Variants in TRIM71 observed in about 807,000 individuals in gnomAD.
TRIM71 encodes the protein E3 ubiquitin-protein ligase TRIM71.
Under a neutral mutation model 61.2 loss-of-function variants are expected in TRIM71, and 9 were observed. The ratio of observed to expected loss-of-function variants is 0.15; its 90% CI spans 0.09 to 0.26. The LOEUF is 0.26. Among genes scored for constraint, TRIM71 ranks in the 10% least tolerant of loss-of-function variants. The pLI, the probability that TRIM71 is intolerant of heterozygous loss-of-function variation, is 1.00. For synonymous variants in TRIM71, 645 were observed against 553.2 expected (o/e 1.17, Z -2.33); for missense variants, 998 against 1,238.7 (o/e 0.81, Z 2.92).
rs1293635433 is a variant in TRIM71, at chr3:32,887,077, C to T, written c.1155+1009C>T. ...TCCCCATGGGTCTGCCAGTGTTATG[C>T]CACCCACGAATGTTAATTATAACTG... On this transcript the variant is annotated intron_variant, in intron 3 of 3. Transcript: ENST00000383763. Among the ~76,000 whole-genome samples the T allele has an allele frequency of 1.3e-5, 2 of 152,144 alleles. 1 individual carries two copies. Among genetic ancestry groups the T allele is most frequent in the Non-Finnish European group, 2.9e-5 (2 of 68,034 alleles).
intron 1 of TRIM71, among the ~76,000 whole-genome samples, chr3:32,859,087 G>A (rs1398912629): frequency 6.6e-6 from 1 of 152,058 alleles, no homozygotes; most frequent in Non-Finnish European, 1.5e-5. Context: ...GTGGGTGCCT[G>A]TTTCCTGTTT....
chr3:32,860,111 CCCTCT>C (rs1178826340), intron 1 of TRIM71, among the ~76,000 whole-genome samples: 1 of 145,056 alleles, frequency 6.9e-6, no homozygotes, highest in African/African-American at 2.6e-5. Flanking sequence ...CTCTCCCCTT[CCCTCT>C]CCTCTCCTCC....
At chr3:32,864,845 GGTGT>G (rs10522411) in intron 1 of TRIM71, among the ~76,000 whole-genome samples, 4,402 of 146,336 alleles carry the variant, frequency 0.03, 96 homozygotes, top group East Asian at 0.1. Context: ...AAAATTAAGT[GGTGT>G]GTGTGTGTGT....
In TRIM71 at chr3:32,897,603, T is replaced by TGAA. The variant is rs1697093848; in HGVS notation, c.*5796_*5798dup. On this transcript the variant is annotated 3_prime_UTR_variant, in exon 4 of 4. Transcript: ENST00000383763. ...GCAGGCATGACAGGCAATGAGCAGG[T>TGAA]GAAGAACCAATGGAAAAGTGTTCAA... is the stretch of plus-strand genomic sequence containing the variant. 1 of 152,168 alleles carries TGAA rather than the reference T, an allele frequency of 6.6e-6. No individual in the cohort carries two copies. Among genetic ancestry groups the TGAA allele is most frequent in the Non-Finnish European group, 1.5e-5 (1 of 68,032 alleles). The allele number at this position is 152,168 out of a possible 1,614,324, so 9.4% of individuals were successfully genotyped here.
At chr3:32,839,326 G>C (rs766034383) in intron 1 of TRIM71, among the ~76,000 whole-genome samples, 1 of 151,910 alleles carries the variant, frequency 6.6e-6, no homozygotes, top group African/African-American at 2.4e-5. Context: ...TGCCTCCCGG[G>C]TTCAAGTGAT....
At chr3:32,856,359 C>A (rs1196545837) in intron 1 of TRIM71, among the ~76,000 whole-genome samples, 3 of 151,786 alleles carry the variant, frequency 2.0e-5, no homozygotes, top group South Asian at 2.1e-4. Context: ...CGCTCCCCTG[C>A]CCCCCCATCC....
At chr3:32,856,954 GA>G (rs1416117263) in intron 1 of TRIM71, among the ~76,000 whole-genome samples, 3 of 152,130 alleles carry the variant, frequency 2.0e-5, no homozygotes, top group Non-Finnish European at 2.9e-5. Flanking sequence ...ATTTATGGGT[GA>G]AAACAGCTCA....
Position 32,885,978 on chromosome 3 carries a change from G to A in TRIM71, c.1065G>A (p.Met355Ile). ...AGACGGTGGCGGAACAGGTGGAGAT[G>A]AAGGCGAAGGTTGTGCAGTCGGAGG... ...QAQTVAEQVE[M>I]KAKVVQSEVK... Residue 355 changes from methionine (M) to isoleucine (I), a missense_variant, in exon 3 of 4, where the codon ATG becomes ATA. This residue lies in a region of TRIM71 where 291 missense variants were observed against 431.2 expected (regional missense o/e 0.67). Coordinates refer to ENST00000383763, the MANE Select transcript of TRIM71 (RefSeq NM_001039111.3). 1.2e-6 allele frequency: 2 copies of A among 1,614,174 alleles called. No homozygotes were observed. Among genetic ancestry groups the A allele is most frequent in the Non-Finnish European group, 1.7e-6 (2 of 1,180,028 alleles).
chr3:32,818,930 G>A lies in TRIM71; in HGVS notation c.850G>A (p.Glu284Lys), dbSNP rs920179689. The A allele has an allele frequency of 6.2e-7, 1 of 1,612,018 alleles. No homozygotes were observed. The highest frequency in any genetic ancestry group is 1.3e-5 in the African/African-American group (1 of 74,962). Residue 284 changes from glutamate (E) to lysine (K), a missense_variant and splice_region_variant, in exon 1 of 4, where the codon GAG becomes AAG. By Grantham distance (56) the Glu-to-Lys change is moderately conservative. This residue lies in a region of TRIM71 where 291 missense variants were observed against 431.2 expected (regional missense o/e 0.67). Coordinates refer to ENST00000383763, the MANE Select transcript of TRIM71 (RefSeq NM_001039111.3). ...CGGCTTCTGCCAGCACCACGACGAC[G>A]AGGTGAGTGCGTGGGGGCGTGTGTT... is the stretch of plus-strand genomic sequence containing the variant. Reference protein sequence around the residue: ...RLGFCQHHDDEVLHLYCDTCS... With the variant: ...RLGFCQHHDDKVLHLYCDTCS...
At chr3:32,838,624 T>C (rs1459668290) in intron 1 of TRIM71, among the ~76,000 whole-genome samples, 2 of 151,334 alleles carry the variant, frequency 1.3e-5, no homozygotes, top group African/African-American at 4.9e-5. Context: ...CAGAGGCAGT[T>C]GATATAGGGG....
At chr3:32,854,280 C>T (rs1696572772) in intron 1 of TRIM71, among the ~76,000 whole-genome samples, 1 of 152,230 alleles carries the variant, frequency 6.6e-6, no homozygotes, top group Non-Finnish European at 1.5e-5. Flanking sequence ...ACACGTAAGC[C>T]ACTGCGTGCC....
intron 1 of TRIM71, among the ~76,000 whole-genome samples, chr3:32,824,322 C>T (rs1310604106): frequency 9.2e-5 from 14 of 151,652 alleles, no homozygotes; most frequent in Admixed American, 1.3e-4. Context: ...GGATTACAGG[C>T]GCTCGTCACC....
At chr3:32,861,607 T>C (rs1290121248) in intron 1 of TRIM71, among the ~76,000 whole-genome samples, 1 of 152,166 alleles carries the variant, frequency 6.6e-6, no homozygotes, top group Non-Finnish European at 1.5e-5. Context: ...AGCATCCCTC[T>C]TTCACCTGCT....
intron 1 of TRIM71, among the ~76,000 whole-genome samples, chr3:32,871,550 A>AC (rs1553646226): frequency 6.6e-6 from 1 of 152,234 alleles, no homozygotes; most frequent in Non-Finnish European, 1.5e-5. Flanking sequence ...AAGGAAAGGA[A>AC]CGTCGTTCAA....
At position 32,818,271 on chromosome 3, in the gene TRIM71, C is replaced by T; in HGVS notation, c.191C>T (p.Ala64Val). ...RRLHVLPCLH[A>V]FCRPCLEAHR... ...CTACACGTCCTGCCCTGCCTGCACGCCTTCTGCCGCCCCTGCCTCGAGGCG... is the reference window on the plus strand; with the variant it reads ...CTACACGTCCTGCCCTGCCTGCACGTCTTCTGCCGCCCCTGCCTCGAGGCG... The change falls in exon 1 of 4, where the codon GCC becomes GTC. Residue 64 changes from alanine to valine, a missense_variant. Ala to Val is a moderately conservative substitution (Grantham distance 64, BLOSUM62 0). Around this residue, in one of 5 missense-constraint regions of TRIM71, gnomAD observed 527 missense variants for 427.8 expected, o/e 1.23. Transcript: ENST00000383763. 7.0e-7 allele frequency: 1 copy of T among 1,429,680 alleles called. No individual in the cohort carries two copies. Among genetic ancestry groups the T allele is most frequent in the Non-Finnish European group, 9.1e-7 (1 of 1,104,688 alleles). The allele number at this position is 1,429,680 out of a possible 1,614,324, so 88.6% of individuals were successfully genotyped here.
chr3:32,876,324 C>T (rs1296784462), intron 2 of TRIM71, among the ~76,000 whole-genome samples: 1 of 152,118 alleles, frequency 6.6e-6, no homozygotes, highest in Admixed American at 6.5e-5. Context: ...TTGCTCAAAC[C>T]TGTAATCCCA....
intron 1 of TRIM71, among the ~76,000 whole-genome samples, chr3:32,838,073 G>A (rs1696355740): frequency 6.6e-6 from 1 of 152,048 alleles, no homozygotes. Flanking sequence ...GGGTGTTTGA[G>A]GACACAAAGC....
intron 2 of TRIM71, among the ~76,000 whole-genome samples, chr3:32,882,094 T>C (rs927978586): frequency 2.0e-5 from 3 of 152,188 alleles, no homozygotes; most frequent in Non-Finnish European, 2.9e-5. Context: ...AGTAGGGTAG[T>C]ACACCCATTC....
At chr3:32,827,592 T>G (rs2125674992) in intron 1 of TRIM71, among the ~76,000 whole-genome samples, 1 of 152,316 alleles carries the variant, frequency 6.6e-6, no homozygotes, top group East Asian at 1.9e-4. Flanking sequence ...TGATCATTTA[T>G]CTATAAGAGC....
Sources: gnomAD v4.1 joint callset for allele counts (sites outside exome capture counted in the v4.1 genomes callset) on GRCh38, gnomAD v4.1.1 for gene constraint, gnomAD v4.1.1 regional missense constraint, MANE v1.5 for transcripts, NCBI Gene and HGNC (gene_info 2026-07-23, HGNC 2026-07-21) for gene names.